Variants in TBC1D19 observed in about 807,000 individuals in gnomAD.
The protein encoded by TBC1D19 is TBC1 domain family, member 19.
TBC1D19 carries 60 observed loss-of-function variants against 89.0 expected under a neutral mutation model. The observed-to-expected ratio is 0.67, with a 90% CI of 0.55 to 0.84. The LOEUF is 0.84. Ranked by LOEUF, TBC1D19 falls within the 40% of genes least tolerant of loss-of-function variation. TBC1D19 has a pLI of 0.00. For missense variants in TBC1D19, 500 were observed against 610.8 expected (o/e 0.82, Z 1.91); for synonymous variants, 189 against 199.7 (o/e 0.95, Z 0.45).
At chr4:26,769,324 C>G in the TBC1D19 span, among the ~76,000 whole-genome samples, 1 of 151,622 alleles carries the variant, frequency 6.6e-6, no homozygotes, top group African/African-American at 2.4e-5. Context: ...AAAAATGGCT[C>G]TAAAAGGAAA....
the TBC1D19 span, among the ~76,000 whole-genome samples, chr4:26,805,640 C>T: frequency 2.6e-5 from 4 of 152,114 alleles, no homozygotes; most frequent in Non-Finnish European, 5.9e-5. Flanking sequence ...CATCTGGGCT[C>T]CCCACCTCCA....
chr4:26,748,563 T>C (rs1410978956), intron 19 of TBC1D19, 37 bp downstream of exon 19: 1 of 1,444,170 alleles, frequency 6.9e-7, no homozygotes, highest in Admixed American at 1.8e-5. Flanking sequence ...CACATGCTGT[T>C]TCTATAATAA....
At chr4:26,791,410 G>A in the TBC1D19 span, among the ~76,000 whole-genome samples, 1 of 152,112 alleles carries the variant, frequency 6.6e-6, no homozygotes, top group Admixed American at 6.5e-5. Flanking sequence ...AGGCCTTGAG[G>A]ACCAGCTGGC....
At chr4:26,705,326 G>C (rs976538192) in intron 13 of TBC1D19, among the ~76,000 whole-genome samples, 8 of 151,992 alleles carry the variant, frequency 5.3e-5, no homozygotes, top group Admixed American at 2.0e-4. Context: ...TATCATCTGT[G>C]CCTTTGGTAT....
At position 26,635,113 on chromosome 4, in the gene TBC1D19, A is replaced by G. The variant is rs531365451; in HGVS notation, c.295-2098A>G. Among the ~76,000 whole-genome samples the G allele has an allele frequency of 1.6e-4, 24 of 152,230 alleles. No individual in the cohort carries two copies. The South Asian group carries it at 4.8e-3, about 30-fold the overall frequency. ...GGTTCCTTATAATAGGATAAATAAA[A>G]ATCCAGGGATTGGATTTTTAATATG... On this transcript the variant is annotated intron_variant, in intron 4 of 20. Coordinates refer to ENST00000264866, the MANE Select transcript of TBC1D19 (RefSeq NM_018317.4).
the TBC1D19 span, among the ~76,000 whole-genome samples, chr4:26,816,426 A>G: frequency 6.6e-6 from 1 of 152,218 alleles, no homozygotes; most frequent in African/African-American, 2.4e-5. Flanking sequence ...TAAGAAAACA[A>G]GTGGGAGAGT....
chr4:26,659,527 C>G (rs182418391), intron 7 of TBC1D19, 70 bp from the exon 8 acceptor site: 6 of 936,230 alleles, frequency 6.4e-6, no homozygotes, highest in East Asian at 2.5e-5. Flanking sequence ...CTAAGAATAT[C>G]CCTGCTAATT....
At chr4:26,677,744 G>A (rs1712966434) in intron 11 of TBC1D19, among the ~76,000 whole-genome samples, 1 of 152,142 alleles carries the variant, frequency 6.6e-6, no homozygotes, top group Non-Finnish European at 1.5e-5. Flanking sequence ...ATGATAGTGA[G>A]TGAGTTCTCA....
chr4:26,625,305 T>C (rs1056653140), intron 4 of TBC1D19, among the ~76,000 whole-genome samples: 1 of 152,158 alleles, frequency 6.6e-6, no homozygotes, highest in Non-Finnish European at 1.5e-5. Flanking sequence ...GACAAGGAAG[T>C]TTGCAAATTG....
intron 15 of TBC1D19, among the ~76,000 whole-genome samples, chr4:26,732,363 T>A (rs1457303493): frequency 1.3e-5 from 2 of 152,210 alleles, no homozygotes; most frequent in Non-Finnish European, 2.9e-5. Context: ...CGCCCTAGCC[T>A]GGCCTTGTCC....
chr4:26,786,369 T>C, the TBC1D19 span, among the ~76,000 whole-genome samples: 62 of 152,228 alleles, frequency 4.1e-4, no homozygotes, highest in African/African-American at 1.4e-3. Flanking sequence ...GCACGGTGGC[T>C]CACACCTGTA....
At chr4:26,839,508 T>C in the TBC1D19 span, among the ~76,000 whole-genome samples, 1 of 152,184 alleles carries the variant, frequency 6.6e-6, no homozygotes, top group East Asian at 1.9e-4. Context: ...TTAAAGAAGA[T>C]GTGTGGGAAG....
chr4:26,811,276 G>C, the TBC1D19 span, among the ~76,000 whole-genome samples: 2 of 152,244 alleles, frequency 1.3e-5, no homozygotes, highest in Non-Finnish European at 2.9e-5. Context: ...AACACTGCAT[G>C]TTCTCACTCA....
intron 13 of TBC1D19, among the ~76,000 whole-genome samples, chr4:26,691,027 C>T (rs1254877641): frequency 2.6e-5 from 4 of 152,096 alleles, no homozygotes; most frequent in African/African-American, 4.8e-5. Context: ...AAAATATCAA[C>T]ATGAAAAGGA....
At chr4:26,834,600 T>C in the TBC1D19 span, among the ~76,000 whole-genome samples, 1 of 152,048 alleles carries the variant, frequency 6.6e-6, no homozygotes, top group Non-Finnish European at 1.5e-5. Context: ...TGAGGAAAGA[T>C]GTGCAAAGAA....
intron 7 of TBC1D19, among the ~76,000 whole-genome samples, chr4:26,655,910 A>G (rs1744768897): frequency 6.6e-6 from 1 of 152,148 alleles, no homozygotes; most frequent in Non-Finnish European, 1.5e-5. Flanking sequence ...CCCCAGTGAG[A>G]TGAACCTGGC....
intron 4 of TBC1D19, among the ~76,000 whole-genome samples, chr4:26,623,082 T>C (rs1056475117): frequency 2.6e-5 from 4 of 152,172 alleles, no homozygotes; most frequent in African/African-American, 7.2e-5. Flanking sequence ...CTCCCTATTT[T>C]GGGGGGCAAT....
At chr4:26,579,356 G>T (rs1577737039), upstream of TBC1D19, among the ~76,000 whole-genome samples, 1 of 152,108 alleles carries the variant, frequency 6.6e-6, no homozygotes, top group Non-Finnish European at 1.5e-5. Flanking sequence ...TGTAACTAGC[G>T]GTGATCATGT....
At chr4:26,590,653 C>T (rs1228279111) in intron 1 of TBC1D19, among the ~76,000 whole-genome samples, 1 of 151,960 alleles carries the variant, frequency 6.6e-6, no homozygotes, top group Non-Finnish European at 1.5e-5. Flanking sequence ...TTCCATTTAT[C>T]CCTCTCCTTT....
Sources: allele counts gnomAD v4.1 joint callset (sites outside exome capture counted in the v4.1 genomes callset), GRCh38; gene constraint gnomAD v4.1.1; transcripts MANE v1.5; gene names NCBI Gene and HGNC (gene_info 2026-07-23, HGNC 2026-07-21).